Variants in SCAMP2 observed in about 807,000 individuals in gnomAD.
The protein encoded by SCAMP2 is secretory carrier-associated membrane protein 2.
SCAMP2 carries 25 observed loss-of-function variants against 44.1 expected under a neutral mutation model. That is an observed-to-expected ratio of 0.57 (90% confidence interval 0.41 to 0.79). The LOEUF (loss-of-function observed/expected upper bound fraction) is 0.79. Ranked by LOEUF, SCAMP2 falls within the 30% of genes least tolerant of loss-of-function variation. The pLI is 0.00. For missense variants in SCAMP2, 355 were observed against 411.0 expected (o/e 0.86, Z 1.18); for synonymous variants, 156 against 166.0 (o/e 0.94, Z 0.46).
intron 4 of SCAMP2, 133 bp from the exon 5 acceptor site, chr15:74,851,614 TGCATGGA>T (rs1406377936): frequency 9.2e-7 from 1 of 1,088,188 alleles, no homozygotes; most frequent in African/African-American, 1.6e-5. Context: ...GCTTGGAGTC[TGCATGGA>T]GCATGGAGTG....
At chr15:74,866,940 G>A (rs369156414) in intron 1 of SCAMP2, among the ~76,000 whole-genome samples, 11 of 152,164 alleles carry the variant, frequency 7.2e-5, no homozygotes, top group East Asian at 3.9e-4. Context: ...GGAACTACAG[G>A]TGCCCGCCAT....
chr15:74,853,956 T>C, intron 3 of SCAMP2, 65 bp downstream of exon 3: 1 of 1,407,974 alleles, frequency 7.1e-7, no homozygotes, highest in Non-Finnish European at 1.0e-6. Context: ...GCCTCAGGGC[T>C]CAGCTACTGG....
chr15:74,853,563 T>G, intron 3 of SCAMP2: 1 of 430,236 alleles, frequency 2.3e-6, no homozygotes, highest in Non-Finnish European at 4.8e-6. Context: ...GGGAGGGCAG[T>G]GAGGCGGCGC....
chr15:74,866,450 C>A (rs992337036), intron 1 of SCAMP2, among the ~76,000 whole-genome samples: 1 of 152,076 alleles, frequency 6.6e-6, no homozygotes, highest in Non-Finnish European at 1.5e-5. Flanking sequence ...GTGGCTCACA[C>A]CTGTAATCCT....
Position 74,846,799 on chromosome 15 carries a change from C to T in SCAMP2, c.735-1206G>A, listed in dbSNP as rs117144355. On this transcript the variant is annotated intron_variant, in intron 7 of 8. Transcript: ENST00000268099. Reference sequence around the variant, plus strand: ...TTAAAAAGGTAGCACTGGGCCGGGCCTTTTTCTGCTGCTTTGGGGGTGGGG... The same window carrying T: ...TTAAAAAGGTAGCACTGGGCCGGGCTTTTTTCTGCTGCTTTGGGGGTGGGG... Among the ~76,000 whole-genome samples the T allele has an allele frequency of 6.6e-4, 101 of 152,198 alleles. 1 individual carries two copies. In the East Asian group the frequency reaches 0.019, roughly 28 times the overall value.
chr15:74,863,729 C>T (rs572151394), intron 1 of SCAMP2, among the ~76,000 whole-genome samples: 228 of 152,116 alleles, frequency 1.5e-3, no homozygotes, highest in African/African-American at 5.3e-3. Context: ...CATACACAAA[C>T]CATTCCATGC....
intron 1 of SCAMP2, among the ~76,000 whole-genome samples, chr15:74,855,710 C>T (rs1348265570): frequency 8.9e-6 from 1 of 112,662 alleles, no homozygotes; most frequent in East Asian, 2.5e-4. Flanking sequence ...GAGCAAAACT[C>T]CATCTCAAAA....
intron 2 of SCAMP2, 52 bp downstream of exon 2, chr15:74,854,529 C>T (rs2064455603): frequency 6.8e-7 from 1 of 1,476,642 alleles, no homozygotes; most frequent in East Asian, 2.4e-5. Context: ...CCGGACACCC[C>T]AGCACCACCC....
chr15:74,858,397 A>G (rs2064480558), intron 1 of SCAMP2, among the ~76,000 whole-genome samples: 1 of 152,100 alleles, frequency 6.6e-6, no homozygotes, highest in Non-Finnish European at 1.5e-5. Context: ...TCCATACTTG[A>G]GAGAGCTGAG....
chr15:74,861,150 G>A (rs2141178223), intron 1 of SCAMP2, among the ~76,000 whole-genome samples: 1 of 152,252 alleles, frequency 6.6e-6, no homozygotes, highest in Admixed American at 6.5e-5. Context: ...ACTCCAGCCT[G>A]GGCAACAGAG....
At chr15:74,853,937 T>C in intron 3 of SCAMP2, 84 bp downstream of exon 3, 1 of 1,254,382 alleles carries the variant, frequency 8.0e-7, no homozygotes, top group South Asian at 1.2e-5. Context: ...AGCTCTCTGC[T>C]TGCCCCCAGC....
chr15:74,871,479 G>A lies in SCAMP2; in HGVS notation c.57+1720C>T, dbSNP rs530529275. Among the ~76,000 whole-genome samples the A allele has an allele frequency of 8.6e-4, 131 of 152,136 alleles. 1 individual carries two copies. The highest frequency in any genetic ancestry group is 9.4e-4 in the Non-Finnish European group (64 of 67,994). On this transcript the variant is annotated intron_variant, in intron 1 of 8. Transcript: ENST00000268099. ...AAAAAAGGAAGAAAGAGGGCTGGGC[G>A]CAGTGGTTCATGCCTGTAATCCCAG...
At chr15:74,854,180 G>A (rs1211479419) in intron 2 of SCAMP2, 61 bp from the exon 3 acceptor site, 1 of 1,435,750 alleles carries the variant, frequency 7.0e-7, no homozygotes, top group Non-Finnish European at 9.8e-7. Flanking sequence ...TGACGAGGGG[G>A]CAAACCCACA....
chr15:74,861,828 G>C (rs1256333501), intron 1 of SCAMP2, among the ~76,000 whole-genome samples: 3 of 148,954 alleles, frequency 2.0e-5, no homozygotes, highest in East Asian at 3.9e-4. Flanking sequence ...GTGAACCCAG[G>C]AGGTGGAGCT....
rs2064362624 is a variant in SCAMP2, at chr15:74,844,094, ACT to A, written c.*987_*988del. 1 of 150,026 alleles carries A rather than the reference ACT, an allele frequency of 6.7e-6. No individual in the cohort carries two copies. The highest frequency in any genetic ancestry group is 2.5e-5 in the African/African-American group (1 of 40,610). 9.3% of individuals were successfully genotyped at this position (150,026 alleles called of 1,614,324 possible). On this transcript the variant is annotated 3_prime_UTR_variant, in exon 9 of 9. Coordinates refer to ENST00000268099, the MANE Select transcript of SCAMP2 (RefSeq NM_005697.5). ...TCCCTGCTGAGGGATGCGGTTCTGGACTGGCTGGCCCTGCCCTTCCTGAAAGT... is the reference window on the plus strand; with the variant it reads ...TCCCTGCTGAGGGATGCGGTTCTGGAGGCTGGCCCTGCCCTTCCTGAAAGT...
At position 74,848,707 on chromosome 15, in the gene SCAMP2, G is replaced by C. The variant is rs761264769; in HGVS notation, c.633-6C>G. 2 of 1,601,952 alleles carry C rather than the reference G, an allele frequency of 1.2e-6. No homozygotes were observed. Among genetic ancestry groups the C allele is most frequent in the Non-Finnish European group, 1.7e-6 (2 of 1,169,458 alleles). On this transcript the variant is annotated splice_region_variant and splice_polypyrimidine_tract_variant and intron_variant, in intron 6 of 8. Transcript: ENST00000268099. Reference sequence around the variant, plus strand: ...AGCTGAAAGAGTTGTCGGACCTGTGGAGAGAGAGGGAAATAAGTCACAAGA... The same window carrying C: ...AGCTGAAAGAGTTGTCGGACCTGTGCAGAGAGAGGGAAATAAGTCACAAGA...
intron 1 of SCAMP2, 125 bp downstream of exon 1, chr15:74,873,074 G>T: frequency 1.2e-6 from 1 of 821,374 alleles, no homozygotes; most frequent in African/African-American, 1.8e-5. Flanking sequence ...CTCAAAGCCC[G>T]CTCTCCCATT....
chr15:74,857,304 G>T (rs2064474471), intron 1 of SCAMP2, among the ~76,000 whole-genome samples: 1 of 152,192 alleles, frequency 6.6e-6, no homozygotes. Context: ...AAGTGACAAG[G>T]TGAAGTTCAG....
At chr15:74,851,559 T>C (rs2064435790) in intron 4 of SCAMP2, 78 bp from the exon 5 acceptor site, 3 of 1,574,470 alleles carry the variant, frequency 1.9e-6, no homozygotes, top group Non-Finnish European at 2.6e-6. Context: ...GCCAGCATAG[T>C]GTATGGGCCA....
Sources: gnomAD v4.1 joint callset for allele counts (sites outside exome capture counted in the v4.1 genomes callset) on GRCh38, gnomAD v4.1.1 for gene constraint, MANE v1.5 for transcripts, NCBI Gene and HGNC (gene_info 2026-07-23, HGNC 2026-07-21) for gene names.